Variants in PAM observed in about 807,000 individuals in gnomAD.
PAM encodes the protein peptidyl-glycine alpha-amidating monooxygenase.
A neutral mutation model predicts 122.1 loss-of-function variants in PAM; 72 were observed. The ratio of observed to expected loss-of-function variants is 0.59; its 90% CI spans 0.49 to 0.72. The LOEUF is 0.72. PAM is among the 30% of genes least tolerant of loss of function. PAM has a pLI of 0.00. For missense variants in PAM, 1,106 were observed against 1,183.7 expected, an observed-to-expected ratio of 0.93 and a Z score of 0.96; for synonymous variants, 389 against 404.4, an observed-to-expected ratio of 0.96 and a Z score of 0.46.
intron 16 of PAM, among the ~76,000 whole-genome samples, chr5:103,000,431 C>T (rs977620582): frequency 2.0e-5 from 3 of 152,196 alleles, no homozygotes; most frequent in Admixed American, 6.5e-5. Context: ...CTGACATCTT[C>T]CTGTCTTCTT....
At chr5:102,943,539 G>C (rs1755980416) in intron 7 of PAM, among the ~76,000 whole-genome samples, 1 of 152,026 alleles carries the variant, frequency 6.6e-6, no homozygotes, top group Non-Finnish European at 1.5e-5. Flanking sequence ...CTAAGATATA[G>C]AACCCTTGTT....
chr5:102,783,433 G>A (rs915507575), intron 1 of PAM, among the ~76,000 whole-genome samples: 1 of 152,090 alleles, frequency 6.6e-6, no homozygotes, highest in Non-Finnish European at 1.5e-5. Context: ...GCAATAGAAG[G>A]TGTTGCCTAG....
intron 21 of PAM, among the ~76,000 whole-genome samples, chr5:103,015,600 A>G (rs1224795685): frequency 1.3e-5 from 2 of 152,156 alleles, no homozygotes; most frequent in East Asian, 1.9e-4. Flanking sequence ...AAAGATTACA[A>G]CTGAGTTCTT....
At chr5:102,837,202 A>G (rs1041154885) in intron 1 of PAM, among the ~76,000 whole-genome samples, 2 of 152,180 alleles carry the variant, frequency 1.3e-5, no homozygotes, top group East Asian at 1.9e-4. Context: ...AATGTATTTC[A>G]GAGGCTTTCC....
rs147262424 is a variant in PAM, at chr5:103,021,045, A to G, written c.2485+1202A>G. ...GACGTTGGGAAAGATCATGTTGTTA[A>G]TAGTAGCTATCACTTACAGAGCAGA... On this transcript the variant is annotated intron_variant, in intron 23 of 25. Transcript: ENST00000438793. Among the ~76,000 whole-genome samples, 103 of 152,306 alleles carry G rather than the reference A, an allele frequency of 6.8e-4. 2 individuals carry two copies. The East Asian group carries it at 0.01, about 15-fold the overall frequency.
At chr5:102,782,719 C>CTGTG (rs1309390837) in intron 1 of PAM, among the ~76,000 whole-genome samples, 44 of 146,136 alleles carry the variant, frequency 3.0e-4, no homozygotes, top group African/African-American at 1.2e-3. Flanking sequence ...CTCTCTCTCT[C>CTGTG]TCTCTCTGTG....
intron 3 of PAM, among the ~76,000 whole-genome samples, chr5:102,899,265 A>C (rs1797009700): frequency 6.6e-6 from 1 of 151,668 alleles, no homozygotes; most frequent in African/African-American, 2.4e-5. Context: ...AATAATAATT[A>C]TAGTATGGAT....
At chr5:103,009,902 G>A in intron 21 of PAM, 36 bp downstream of exon 21, 2 of 1,092,666 alleles carry the variant, frequency 1.8e-6, no homozygotes, top group East Asian at 5.1e-5. Flanking sequence ...CAATTTTCAT[G>A]AGAAGAAGAC....
At chr5:102,802,215 A>G (rs1764969880) in intron 1 of PAM, among the ~76,000 whole-genome samples, 1 of 152,220 alleles carries the variant, frequency 6.6e-6, no homozygotes, top group Non-Finnish European at 1.5e-5. Context: ...AATTAGAATC[A>G]TGAAATGTTG....
chr5:102,780,567 A>G (rs1490542543), intron 1 of PAM, among the ~76,000 whole-genome samples: 7 of 152,086 alleles, frequency 4.6e-5, no homozygotes, highest in African/African-American at 1.4e-4. Context: ...CTTCATTAAA[A>G]AAAGGTCGTG....
intron 1 of PAM, among the ~76,000 whole-genome samples, chr5:102,780,208 A>G (rs530612939): frequency 2.0e-5 from 3 of 152,082 alleles, no homozygotes; most frequent in South Asian, 4.2e-4. Context: ...AACATAGCAT[A>G]TATAGGATTC....
intron 12 of PAM, among the ~76,000 whole-genome samples, 176 bp from the exon 13 acceptor site, chr5:102,959,699 A>G (rs1158666786): frequency 6.6e-6 from 1 of 152,156 alleles, no homozygotes. Context: ...TATGCCTTTG[A>G]CAATGTGCTT....
chr5:102,876,372 T>C (rs1789217613), intron 3 of PAM, among the ~76,000 whole-genome samples: 1 of 152,184 alleles, frequency 6.6e-6, no homozygotes, highest in African/African-American at 2.4e-5. Flanking sequence ...GCCACAAAGA[T>C]TCTATTAAAA....
intron 1 of PAM, among the ~76,000 whole-genome samples, chr5:102,758,514 T>C (rs905449439): frequency 6.6e-6 from 1 of 152,230 alleles, no homozygotes; most frequent in African/African-American, 2.4e-5. Flanking sequence ...ATGCGAAAGC[T>C]AATTATTAAA....
At chr5:102,940,307 ATTTAT>A (rs1210649160) in intron 7 of PAM, among the ~76,000 whole-genome samples, 1 of 151,656 alleles carries the variant, frequency 6.6e-6, no homozygotes, top group Non-Finnish European at 1.5e-5. Flanking sequence ...TCATTTCATG[ATTTAT>A]TTTATCTAGT....
At chr5:102,865,203 A>C (rs1049558729) in intron 1 of PAM, 1 of 152,238 alleles carries the variant, frequency 6.6e-6, no homozygotes, top group Non-Finnish European at 1.5e-5. Flanking sequence ...TGTTAGCTGT[A>C]GAGTTTTTGT....
chr5:102,849,555 C>CAAAAAAAAAAAAAAAA (rs538988180), intron 1 of PAM, among the ~76,000 whole-genome samples: 1 of 73,502 alleles, frequency 1.4e-5, no homozygotes. Flanking sequence ...AAGACTGTCT[C>CAAAAAAAAAAAAAAAA]AAAAAAAAAA....
chr5:102,984,134 CA>C (rs1770917351), intron 15 of PAM, among the ~76,000 whole-genome samples: 1 of 150,838 alleles, frequency 6.6e-6, no homozygotes, highest in African/African-American at 2.4e-5. Flanking sequence ...GTTGCCTCTG[CA>C]AAAAAATCAA....
At chr5:102,942,239 C>T (rs1755505846) in intron 7 of PAM, among the ~76,000 whole-genome samples, 1 of 151,954 alleles carries the variant, frequency 6.6e-6, no homozygotes, top group Non-Finnish European at 1.5e-5. Flanking sequence ...AGAAATTAAT[C>T]CCCAAATAAT....
Sources: allele counts gnomAD v4.1 joint callset (sites outside exome capture counted in the v4.1 genomes callset), GRCh38; gene constraint gnomAD v4.1.1; transcripts MANE v1.5; gene names NCBI Gene and HGNC (gene_info 2026-07-23, HGNC 2026-07-21).